The following PDE4B variants were observed in gnomAD, a reference collection of about 807,000 sequenced individuals.
PDE4B encodes the protein 3',5'-cyclic-AMP phosphodiesterase 4B.
PDE4B carries 20 observed loss-of-function variants against 82.2 expected under a neutral mutation model. The ratio of observed to expected loss-of-function variants is 0.24; its 90% CI spans 0.17 to 0.35. The LOEUF (loss-of-function observed/expected upper bound fraction) is 0.35, where lower values mean the gene tolerates loss of function less well. Among genes scored for constraint, PDE4B ranks in the 10% least tolerant of loss-of-function variants. PDE4B has a pLI of 1.00. For missense variants in PDE4B, 655 were observed against 907.2 expected (o/e 0.72, Z 3.57); for synonymous variants, 320 against 318.9 (o/e 1.00, Z -0.04).
chr1:65,951,930 T>C (rs1649020962), intron 3 of PDE4B, among the ~76,000 whole-genome samples: 1 of 152,074 alleles, frequency 6.6e-6, no homozygotes, highest in African/African-American at 2.4e-5. Flanking sequence ...CAATGGAGGA[T>C]GAATATCCCT....
chr1:66,294,233 A>G (rs1162194330), intron 7 of PDE4B, among the ~76,000 whole-genome samples: 1 of 152,038 alleles, frequency 6.6e-6, no homozygotes, highest in East Asian at 1.9e-4. Context: ...AAAATCTGTG[A>G]TTTTATTTGG....
chr1:66,057,170 CTT>C (rs777015091), intron 3 of PDE4B, among the ~76,000 whole-genome samples: 4 of 152,148 alleles, frequency 2.6e-5, no homozygotes, highest in African/African-American at 9.7e-5. Context: ...AGAGGGAACT[CTT>C]TCCTTATTTC....
intron 3 of PDE4B, among the ~76,000 whole-genome samples, chr1:66,232,885 C>T (rs1353346413): frequency 6.6e-6 from 1 of 152,144 alleles, no homozygotes. Context: ...GCAATAAAGA[C>T]AACTTGTTAG....
At position 66,371,048 on chromosome 1, in the gene PDE4B, T is replaced by C. The variant is rs1483914967; in HGVS notation, c.1846-1265T>C. On this transcript the variant is annotated intron_variant, in intron 16 of 16. Coordinates refer to ENST00000341517, the MANE Select transcript of PDE4B (RefSeq NM_002600.4). ...TATATATATATCATACATATATATA[T>C]ACACACATCATACATATATATATAT... Among the ~76,000 whole-genome samples the C allele has an allele frequency of 7.7e-5, 10 of 129,114 alleles. No individual in the cohort carries two copies. In the East Asian group the frequency reaches 1.1e-3, roughly 14 times the overall value. The allele number at this position is 129,114 out of a possible 152,430, so 84.7% of individuals were successfully genotyped here. A position where few individuals can be genotyped will look rare whatever the true frequency, so the allele number is the denominator to read the frequency against.
intron 3 of PDE4B, among the ~76,000 whole-genome samples, chr1:66,228,472 A>G (rs562140424): frequency 2.0e-5 from 3 of 152,120 alleles, no homozygotes; most frequent in Admixed American, 6.5e-5. Flanking sequence ...AAAATACAAA[A>G]AATTAGCCAG....
intron 7 of PDE4B, among the ~76,000 whole-genome samples, chr1:66,300,966 A>G (rs1250019901): frequency 6.6e-6 from 1 of 152,172 alleles, no homozygotes; most frequent in Non-Finnish European, 1.5e-5. Flanking sequence ...AGATTAAGCT[A>G]TTAATATCAC....
chr1:65,993,197 C>T, intron 3 of PDE4B: 1 of 1,304,250 alleles, frequency 7.7e-7, no homozygotes, highest in South Asian at 1.3e-5. Flanking sequence ...GCATTAGCAC[C>T]AGTGATCTAG....
At chr1:65,879,524 G>T (rs1220700737) in intron 1 of PDE4B, among the ~76,000 whole-genome samples, 2 of 152,114 alleles carry the variant, frequency 1.3e-5, no homozygotes, top group Non-Finnish European at 2.9e-5. Context: ...TATGAGAAGA[G>T]ATTTAATTTG....
rs568232284 is a variant in PDE4B at position 66,112,419 on chromosome 1, A to T, written c.282-135041A>T. Among the ~76,000 whole-genome samples the T allele has an allele frequency of 1.5e-4, 23 of 152,358 alleles. No individual in the cohort carries two copies. The South Asian group carries it at 4.8e-3, about 32-fold the overall frequency. On this transcript the variant is annotated intron_variant, in intron 3 of 16. Coordinates refer to ENST00000341517, the MANE Select transcript of PDE4B (RefSeq NM_002600.4). ...CGTCTCTACCAGTGTGACTAGGAAC[A>T]TTGGTAAATGACCATTGAATTAATT...
At chr1:66,183,952 T>C (rs1647126681) in intron 3 of PDE4B, among the ~76,000 whole-genome samples, 1 of 152,076 alleles carries the variant, frequency 6.6e-6, no homozygotes, top group South Asian at 2.1e-4. Context: ...AGACTGATAA[T>C]GTTTCAATAG....
At chr1:66,054,523 G>A (rs1410331299) in intron 3 of PDE4B, among the ~76,000 whole-genome samples, 3 of 152,196 alleles carry the variant, frequency 2.0e-5, no homozygotes, top group Non-Finnish European at 2.9e-5. Flanking sequence ...GTTGTTAGGA[G>A]AGTAGATCTC....
intron 7 of PDE4B, among the ~76,000 whole-genome samples, chr1:66,311,933 C>T (rs1172662336): frequency 6.6e-6 from 1 of 152,158 alleles, no homozygotes. Context: ...TTATCTTTAC[C>T]TTCATACAGA....
chr1:66,058,034 G>A (rs536605465), intron 3 of PDE4B, among the ~76,000 whole-genome samples: 9 of 152,272 alleles, frequency 5.9e-5, no homozygotes, highest in African/African-American at 2.2e-4. Context: ...TCAAAAGCAA[G>A]CTAGTTACTT....
chr1:65,878,886 G>A (rs1421007964), intron 1 of PDE4B, among the ~76,000 whole-genome samples: 4 of 151,944 alleles, frequency 2.6e-5, no homozygotes, highest in Admixed American at 2.0e-4. Flanking sequence ...TATCCCCAAA[G>A]TTAAAGTAAA....
chr1:65,815,215 C>G (rs1027586075), intron 1 of PDE4B, among the ~76,000 whole-genome samples: 7 of 142,736 alleles, frequency 4.9e-5, no homozygotes, highest in Non-Finnish European at 9.2e-5. Flanking sequence ...CCCTCCCCCC[C>G]ACCCTCAACA....
chr1:66,227,548 C>T (rs1282154015), intron 3 of PDE4B, among the ~76,000 whole-genome samples: 2 of 152,092 alleles, frequency 1.3e-5, no homozygotes, highest in Non-Finnish European at 2.9e-5. Flanking sequence ...TGAGATATGC[C>T]TTTTGTATAT....
intron 3 of PDE4B, among the ~76,000 whole-genome samples, chr1:66,149,533 G>A (rs1051220277): frequency 2.0e-5 from 3 of 152,104 alleles, no homozygotes; most frequent in African/African-American, 7.2e-5. Flanking sequence ...CTAACAAAAG[G>A]TTATGAGAAT....
intron 1 of PDE4B, among the ~76,000 whole-genome samples, chr1:65,883,668 C>T (rs1646736220): frequency 6.6e-6 from 1 of 152,118 alleles, no homozygotes; most frequent in African/African-American, 2.4e-5. Flanking sequence ...TGCCTAATTG[C>T]CCTGGCCAGA....
intron 3 of PDE4B, among the ~76,000 whole-genome samples, chr1:66,242,992 A>C (rs954914296): frequency 6.6e-6 from 1 of 152,192 alleles, no homozygotes; most frequent in Non-Finnish European, 1.5e-5. Flanking sequence ...AAATGAAGAG[A>C]TGAGAAGATG....
Sources: allele counts gnomAD v4.1 joint callset (sites outside exome capture counted in the v4.1 genomes callset), GRCh38; gene constraint gnomAD v4.1.1; transcripts MANE v1.5; gene names NCBI Gene and HGNC (gene_info 2026-07-23, HGNC 2026-07-21).